Variants in FGF12 observed in about 807,000 individuals in gnomAD.
FGF12 encodes fibroblast growth factor 12B.
FGF12 carries 14 observed loss-of-function variants against 23.6 expected under a neutral mutation model. The ratio of observed to expected loss-of-function variants is 0.59; its 90% confidence interval spans 0.39 to 0.93. FGF12 has a LOEUF of 0.93. Ranked by LOEUF, FGF12 falls within the 40% of genes least tolerant of loss-of-function variation. The probability of loss-of-function intolerance (pLI) is 0.00; values close to 1 mark genes in which losing one functional copy is unlikely to be tolerated. For synonymous variants in FGF12, 62 were observed against 77.3 expected, an observed-to-expected ratio of 0.80 and a Z score of 1.04; for missense variants, 175 against 217.8, an observed-to-expected ratio of 0.80 and a Z score of 1.24.
intron 2 of FGF12, among the ~76,000 whole-genome samples, chr3:192,563,622 C>T (rs549535073): frequency 1.3e-5 from 2 of 152,286 alleles, no homozygotes; most frequent in African/African-American, 4.8e-5. Flanking sequence ...TTACATAGTG[C>T]TTTGTCAGCA....
chr3:192,231,654 C>A lies in FGF12; in HGVS notation c.229-60998G>T, dbSNP rs551586374. Among the ~76,000 whole-genome samples, 18 of 151,982 alleles carry A rather than the reference C, an allele frequency of 1.2e-4. 1 individual carries two copies. The South Asian group carries it at 3.5e-3, about 30-fold the overall frequency. Reference sequence around the variant, plus strand: ...GGGTGTTGGTGGGTGCCTGTAATCCCAGCTACTTAGGAGGCTGAGGCAGGA... The same window carrying A: ...GGGTGTTGGTGGGTGCCTGTAATCCAAGCTACTTAGGAGGCTGAGGCAGGA... On this transcript the variant is annotated intron_variant, in intron 4 of 5. Coordinates refer to ENST00000445105, the MANE Select transcript of FGF12 (RefSeq NM_004113.6).
intron 4 of FGF12, among the ~76,000 whole-genome samples, chr3:192,281,177 C>T (rs1221527321): frequency 1.3e-5 from 2 of 152,142 alleles, no homozygotes; most frequent in Non-Finnish European, 2.9e-5. Context: ...AATTCTAAAA[C>T]CAAAACGTCA....
Position 192,277,311 on chromosome 3 carries a change from G to A in FGF12, c.228+58050C>T, listed in dbSNP as rs1577311640. On this transcript the variant is annotated intron_variant, in intron 4 of 5. Transcript: ENST00000445105. ...GCCAGAAGAGAGAAGCCAGAAGTTG[G>A]TAAGAGGAGCCAAATTTGAGGAGCA... Among the ~76,000 whole-genome samples the A allele has an allele frequency of 2.0e-5, 3 of 151,542 alleles. No individual in the cohort carries two copies. The East Asian group carries it at 5.8e-4, about 29-fold the overall frequency.
chr3:192,217,869 T>C (rs1016780269), intron 4 of FGF12, among the ~76,000 whole-genome samples: 3 of 151,958 alleles, frequency 2.0e-5, no homozygotes, highest in Non-Finnish European at 4.4e-5. Context: ...GGAATTTCGC[T>C]CTTGTTGCCA....
intron 2 of FGF12, among the ~76,000 whole-genome samples, chr3:192,465,376 G>A (rs116400927): frequency 0.011 from 1,714 of 152,154 alleles, 25 homozygotes; most frequent in African/African-American, 0.04. Context: ...GATATAAGGT[G>A]AATACATGAA....
intron 4 of FGF12, among the ~76,000 whole-genome samples, chr3:192,233,173 G>A (rs1719113408): frequency 6.6e-6 from 1 of 152,164 alleles, no homozygotes; most frequent in African/African-American, 2.4e-5. Flanking sequence ...TCCACCAGGA[G>A]TGTATAAGCA....
At chr3:192,698,431 C>A (rs1436623017) in intron 2 of FGF12, among the ~76,000 whole-genome samples, 1 of 152,088 alleles carries the variant, frequency 6.6e-6, no homozygotes, top group Non-Finnish European at 1.5e-5. Flanking sequence ...AGGAATTACA[C>A]CAGGTTCTAA....
chr3:192,448,573 TA>T (rs1375668150), intron 2 of FGF12, among the ~76,000 whole-genome samples: 1 of 152,174 alleles, frequency 6.6e-6, no homozygotes, highest in Non-Finnish European at 1.5e-5. Context: ...GACAGTATAC[TA>T]GGCTTGAGTG....
intron 4 of FGF12, among the ~76,000 whole-genome samples, chr3:192,223,563 G>A (rs546192716): frequency 1.3e-5 from 2 of 152,212 alleles, no homozygotes; most frequent in African/African-American, 4.8e-5. Flanking sequence ...CATACATCCA[G>A]TTTGTCTGGT....
intron 3 of FGF12, among the ~76,000 whole-genome samples, chr3:192,347,127 C>T (rs2108717045): frequency 6.6e-6 from 1 of 152,238 alleles, no homozygotes; most frequent in Non-Finnish European, 1.5e-5. Context: ...GAATTGAAGA[C>T]AAGTACTTTT....
At chr3:192,396,992 C>T (rs1405372265) in intron 2 of FGF12, among the ~76,000 whole-genome samples, 3 of 152,168 alleles carry the variant, frequency 2.0e-5, no homozygotes, top group Non-Finnish European at 4.4e-5. Flanking sequence ...ATGGTAGTTC[C>T]ATTAGCAAAA....
intron 4 of FGF12, among the ~76,000 whole-genome samples, chr3:192,202,615 G>A (rs1717431575): frequency 6.6e-6 from 1 of 151,946 alleles, no homozygotes; most frequent in Non-Finnish European, 1.5e-5. Context: ...ATTTAATTTT[G>A]TCTCATATCC....
intron 5 of FGF12, among the ~76,000 whole-genome samples, chr3:192,149,315 C>CTTT (rs143433495): frequency 1.7e-4 from 26 of 151,518 alleles, no homozygotes; most frequent in Non-Finnish European, 3.1e-4. Flanking sequence ...GCATTTGAAC[C>CTTT]TTTTTTTTAT....
At chr3:192,177,683 C>T (rs887239092) in intron 4 of FGF12, among the ~76,000 whole-genome samples, 3 of 152,222 alleles carry the variant, frequency 2.0e-5, no homozygotes, top group Non-Finnish European at 4.4e-5. Flanking sequence ...GGTCTCCTTG[C>T]TGTTACTGAA....
At chr3:192,665,022 G>A (rs555643569) in intron 2 of FGF12, among the ~76,000 whole-genome samples, 120 of 152,298 alleles carry the variant, frequency 7.9e-4, no homozygotes, top group African/African-American at 2.8e-3. Context: ...AAGATTTTTA[G>A]TGCATTAATC....
chr3:192,724,077 A>C (rs1719131759), intron 2 of FGF12, among the ~76,000 whole-genome samples: 2 of 128,538 alleles, frequency 1.6e-5, no homozygotes, highest in Non-Finnish European at 3.2e-5. Flanking sequence ...AGAAGGAAGG[A>C]AGAAAGGAAG....
chr3:192,370,108 C>T (rs761935252), intron 2 of FGF12, among the ~76,000 whole-genome samples: 3 of 152,118 alleles, frequency 2.0e-5, no homozygotes, highest in Non-Finnish European at 4.4e-5. Context: ...TATGGGGGTG[C>T]ATGCAGGGGC....
intron 4 of FGF12, 78 bp from the exon 5 acceptor site, chr3:192,170,734 C>T: frequency 1.6e-6 from 2 of 1,248,272 alleles, no homozygotes; most frequent in Non-Finnish European, 2.2e-6. Flanking sequence ...ATCCAATAAG[C>T]TTGAAATCCA....
At chr3:192,714,696 T>C (rs1014101921) in intron 2 of FGF12, among the ~76,000 whole-genome samples, 14 of 151,838 alleles carry the variant, frequency 9.2e-5, no homozygotes, top group African/African-American at 3.4e-4. Context: ...TTTTTTGTAT[T>C]TTTAGTAGAG....
Sources: gnomAD v4.1 joint callset for allele counts (sites outside exome capture counted in the v4.1 genomes callset) on GRCh38, gnomAD v4.1.1 for gene constraint, MANE v1.5 for transcripts, NCBI Gene and HGNC (gene_info 2026-07-23, HGNC 2026-07-21) for gene names.